The following RBM20 variants were observed in gnomAD, a reference collection of about 807,000 sequenced individuals.
RBM20 encodes RNA-binding protein 20.
Under a neutral mutation model 110.1 loss-of-function variants are expected in RBM20, and 51 were observed. The observed-to-expected ratio is 0.46, with a 90% CI of 0.37 to 0.59. RBM20 has a LOEUF of 0.59. Among genes scored for constraint, RBM20 ranks in the 20% least tolerant of loss-of-function variants. The pLI is 0.00. For synonymous variants in RBM20, 589 were observed against 618.2 expected (o/e 0.95, Z 0.70); for missense variants, 1,512 against 1,574.9 (o/e 0.96, Z 0.68).
At chr10:110,645,177 T>A (rs1177908148) in intron 1 of RBM20, among the ~76,000 whole-genome samples, 1 of 152,232 alleles carries the variant, frequency 6.6e-6, no homozygotes, top group Non-Finnish European at 1.5e-5. Context: ...AGAGTTTAGC[T>A]ACGCAACCGT....
chr10:110,680,921 C>T (rs184132566), intron 1 of RBM20, among the ~76,000 whole-genome samples: 3 of 152,218 alleles, frequency 2.0e-5, no homozygotes, highest in South Asian at 2.1e-4. Context: ...CTTTCTTTTC[C>T]ACTTCTTTCT....
intron 1 of RBM20, among the ~76,000 whole-genome samples, chr10:110,692,310 G>C (rs1164908796): frequency 1.3e-5 from 2 of 152,070 alleles, no homozygotes; most frequent in Admixed American, 1.3e-4. Context: ...TGAAAATAAT[G>C]TTATTGGGAT....
intron 1 of RBM20, among the ~76,000 whole-genome samples, chr10:110,750,802 C>G (rs1475225161): frequency 1.3e-5 from 2 of 152,130 alleles, no homozygotes; most frequent in Non-Finnish European, 2.9e-5. Context: ...AATCATGAGG[C>G]CTTTCAGGAG....
intron 1 of RBM20, among the ~76,000 whole-genome samples, chr10:110,700,884 G>A (rs1424589403): frequency 5.9e-5 from 9 of 152,012 alleles, no homozygotes; most frequent in African/African-American, 1.2e-4. Flanking sequence ...CCATGATAGC[G>A]GGTGCCTGTA....
At chr10:110,734,211 T>G (rs1364478868) in intron 1 of RBM20, among the ~76,000 whole-genome samples, 1 of 152,222 alleles carries the variant, frequency 6.6e-6, no homozygotes, top group African/African-American at 2.4e-5. Flanking sequence ...TAAGAGGGTC[T>G]CATTTGTGTC....
intron 7 of RBM20, among the ~76,000 whole-genome samples, chr10:110,804,175 G>A (rs1357966215): frequency 6.6e-6 from 1 of 152,218 alleles, no homozygotes; most frequent in African/African-American, 2.4e-5. Flanking sequence ...TAGCACAGGT[G>A]CACATTCCTG....
intron 5 of RBM20, among the ~76,000 whole-genome samples, chr10:110,796,763 A>T (rs79676979): frequency 6.6e-6 from 1 of 152,160 alleles, no homozygotes; most frequent in Non-Finnish European, 1.5e-5. Context: ...CTTAAAAAAA[A>T]TTATTCTATA....
chr10:110,714,986 G>A (rs1344973093), intron 1 of RBM20, among the ~76,000 whole-genome samples: 1 of 152,190 alleles, frequency 6.6e-6, no homozygotes, highest in Non-Finnish European at 1.5e-5. Context: ...ATTGGTTCAA[G>A]CCTGTAATCC....
At chr10:110,767,106 G>T (rs1363423177) in intron 1 of RBM20, among the ~76,000 whole-genome samples, 3 of 126,756 alleles carry the variant, frequency 2.4e-5, no homozygotes, top group Non-Finnish European at 3.5e-5. Flanking sequence ...CCTCCCGGAC[G>T]GGGCGGCTGA....
At chr10:110,683,323 A>G (rs777294555) in intron 1 of RBM20, among the ~76,000 whole-genome samples, 2 of 152,240 alleles carry the variant, frequency 1.3e-5, no homozygotes, top group South Asian at 4.1e-4. Context: ...CAGATTTACA[A>G]TTTCAATCTA....
chr10:110,763,193 C>T (rs553782601), intron 1 of RBM20, among the ~76,000 whole-genome samples: 123 of 152,238 alleles, frequency 8.1e-4, no homozygotes, highest in South Asian at 7.1e-3. Context: ...CAAACATATC[C>T]GACTGGCTTT....
chr10:110,781,758 G>A lies in RBM20; in HGVS notation c.1149G>A (p.Lys383=), dbSNP rs765781254. The stretch of plus-strand genomic sequence containing the variant: ...TTATCGGTGCTGGGCGGAGGGCCAA[G>A]GAGGACCAGGCGTTGCTATCTGTGC... The part of the protein sequence containing the change: ...QGFIGAGRRA[K]EDQALLSVRP... Residue 383 remains lysine (K), a synonymous_variant, in exon 2 of 14, where the codon AAG becomes AAA. Coordinates refer to ENST00000369519, the MANE Select transcript of RBM20 (RefSeq NM_001134363.3). 1 of 1,551,756 alleles carries A rather than the reference G, an allele frequency of 6.4e-7. No individual in the cohort carries two copies. Among genetic ancestry groups the A allele is most frequent in the African/African-American group, 1.4e-5 (1 of 73,066 alleles).
intron 1 of RBM20, among the ~76,000 whole-genome samples, chr10:110,774,106 C>A (rs760590658): frequency 1.3e-5 from 2 of 152,200 alleles, no homozygotes; most frequent in African/African-American, 4.8e-5. Flanking sequence ...TGACCTCACA[C>A]GGTTCATCTG....
intron 7 of RBM20, among the ~76,000 whole-genome samples, chr10:110,804,018 T>C (rs1489109107): frequency 6.6e-6 from 1 of 152,038 alleles, no homozygotes; most frequent in East Asian, 1.9e-4. Flanking sequence ...GGCTCTCTCC[T>C]CTAGGTGGCA....
intron 13 of RBM20, among the ~76,000 whole-genome samples, chr10:110,832,940 C>T (rs986598483): frequency 6.6e-6 from 1 of 152,150 alleles, no homozygotes; most frequent in East Asian, 1.9e-4. Flanking sequence ...TCCCACAAAG[C>T]CAGCTGAGGG....
intron 1 of RBM20, among the ~76,000 whole-genome samples, chr10:110,750,069 C>A (rs1223196372): frequency 6.6e-6 from 1 of 152,084 alleles, no homozygotes; most frequent in Non-Finnish European, 1.5e-5. Flanking sequence ...ATAGGTGTTG[C>A]CTCTGGACAC....
At chr10:110,737,193 A>AAAAAAAAC (rs796374212) in intron 1 of RBM20, among the ~76,000 whole-genome samples, 17,241 of 115,728 alleles carry the variant, frequency 0.15, 2,178 homozygotes, top group East Asian at 0.32. Context: ...AAAAAAAAAA[A>AAAAAAAAC]AAAACACCCC....
intron 13 of RBM20, among the ~76,000 whole-genome samples, chr10:110,832,462 G>T (rs2135141636): frequency 6.6e-6 from 1 of 152,270 alleles, no homozygotes; most frequent in Admixed American, 6.5e-5. Context: ...AGTAGAATTT[G>T]GAGGTGGAAG....
At chr10:110,818,291 C>CA (rs11430112) in intron 9 of RBM20, among the ~76,000 whole-genome samples, 14,272 of 55,852 alleles carry the variant, frequency 0.26, 1,183 homozygotes, top group East Asian at 0.46. Context: ...AACTCCATCT[C>CA]AAAAAAAAAA....
Sources: gnomAD v4.1 joint callset for allele counts (sites outside exome capture counted in the v4.1 genomes callset) on GRCh38, gnomAD v4.1.1 for gene constraint, MANE v1.5 for transcripts, NCBI Gene and HGNC (gene_info 2026-07-23, HGNC 2026-07-21) for gene names.